Variants in SCFD2 observed in about 807,000 individuals in gnomAD.
SCFD2 encodes the protein sec1 family domain-containing protein 2.
In SCFD2, 54 loss-of-function variants were observed where a neutral mutation model predicts 58.9. The ratio of observed to expected loss-of-function variants is 0.92; its 90% CI spans 0.74 to 1.15. The LOEUF (loss-of-function observed/expected upper bound fraction) is 1.15, where lower values mean the gene tolerates loss of function less well. SCFD2 is among the 50% of genes most tolerant of loss of function. The probability of loss-of-function intolerance (pLI) is 0.00; values close to 1 mark genes in which losing one functional copy is unlikely to be tolerated. For synonymous variants in SCFD2, 321 were observed against 335.9 expected, an observed-to-expected ratio of 0.96 and a Z score of 0.49; for missense variants, 805 against 836.6, an observed-to-expected ratio of 0.96 and a Z score of 0.47.
intron 8 of SCFD2, among the ~76,000 whole-genome samples, chr4:52,884,555 C>G (rs1718691026): frequency 6.6e-6 from 1 of 152,156 alleles, no homozygotes; most frequent in African/African-American, 2.4e-5. Context: ...TGTGGCTTTT[C>G]TTCTTCACTG....
intron 5 of SCFD2, among the ~76,000 whole-genome samples, chr4:53,090,468 T>C (rs1034382093): frequency 1.3e-5 from 2 of 152,292 alleles, no homozygotes; most frequent in African/African-American, 2.4e-5. Flanking sequence ...AGGGCAGTGA[T>C]TGTATTCTTA....
chr4:53,075,199 T>C (rs1219006641), intron 5 of SCFD2, among the ~76,000 whole-genome samples: 1 of 152,186 alleles, frequency 6.6e-6, no homozygotes, highest in Non-Finnish European at 1.5e-5. Flanking sequence ...TGAAACAATT[T>C]CTGCTAATTT....
chr4:53,120,470 T>C (rs1725448568), intron 5 of SCFD2, among the ~76,000 whole-genome samples: 1 of 152,214 alleles, frequency 6.6e-6, no homozygotes, highest in African/African-American at 2.4e-5. Flanking sequence ...ACCCTGTCAA[T>C]CTATGAAGCC....
At chr4:53,132,607 T>C (rs1016888273) in intron 5 of SCFD2, among the ~76,000 whole-genome samples, 1 of 152,246 alleles carries the variant, frequency 6.6e-6, no homozygotes. Flanking sequence ...AAATCCTTTC[T>C]GAAATGAGTG....
chr4:52,944,500 C>A (rs985360060), intron 5 of SCFD2, among the ~76,000 whole-genome samples: 15 of 152,144 alleles, frequency 9.9e-5, no homozygotes, highest in Admixed American at 6.6e-4. Flanking sequence ...TTATTCAGTT[C>A]TTTAGGGTCC....
At position 53,313,763 on chromosome 4, in the gene SCFD2, A is replaced by G. The variant is rs767194648; in HGVS notation, c.1008T>C (p.Ser336=). The change falls in exon 3 of 9, where the codon AGT becomes AGC. Residue 336 remains serine, a splice_region_variant and synonymous_variant. Transcript: ENST00000401642. The part of the protein sequence containing the change: ...VVAPGCLSQS[S]DTTAKALWEA... ...CCCATAGGGCTTTGGCTGTGGTGTCACTGCAGGAAAATCACAAAAAGAGCT... is the reference window on the plus strand; with the variant it reads ...CCCATAGGGCTTTGGCTGTGGTGTCGCTGCAGGAAAATCACAAAAAGAGCT... 3 of 1,613,868 alleles carry G rather than the reference A, an allele frequency of 1.9e-6. No homozygotes were observed. Among genetic ancestry groups the G allele is most frequent in the African/African-American group, 2.7e-5 (2 of 75,022 alleles).
intron 4 of SCFD2, among the ~76,000 whole-genome samples, chr4:53,159,708 A>C (rs775257093): frequency 1.3e-5 from 2 of 152,098 alleles, no homozygotes; most frequent in Non-Finnish European, 2.9e-5. Context: ...TTGGCACATA[A>C]ATACTATGTG....
chr4:53,200,678 A>C (rs1304944604), intron 4 of SCFD2, among the ~76,000 whole-genome samples: 1 of 152,106 alleles, frequency 6.6e-6, no homozygotes, highest in Non-Finnish European at 1.5e-5. Flanking sequence ...CTGGTTTAGA[A>C]AAAAAATGTG....
At chr4:52,966,424 G>A (rs989595309) in intron 5 of SCFD2, among the ~76,000 whole-genome samples, 9 of 151,990 alleles carry the variant, frequency 5.9e-5, no homozygotes, top group African/African-American at 1.2e-4. Flanking sequence ...GTGATTCCTC[G>A]GATTCTTTAA....
At chr4:53,354,397 A>G (rs977847350) in intron 1 of SCFD2, among the ~76,000 whole-genome samples, 1 of 152,228 alleles carries the variant, frequency 6.6e-6, no homozygotes, top group African/African-American at 2.4e-5. Flanking sequence ...CCACGCCCAC[A>G]TGGAACTCAC....
chr4:53,244,490 A>G (rs1380512096), intron 4 of SCFD2, among the ~76,000 whole-genome samples: 2 of 152,156 alleles, frequency 1.3e-5, no homozygotes, highest in Non-Finnish European at 2.9e-5. Context: ...CTCCTCAAAG[A>G]CTTTGGGGTA....
At chr4:53,051,740 G>A (rs891654312) in intron 5 of SCFD2, among the ~76,000 whole-genome samples, 2 of 152,054 alleles carry the variant, frequency 1.3e-5, no homozygotes, top group Non-Finnish European at 2.9e-5. Flanking sequence ...GTTAAAGTCC[G>A]GAAGTTTACC....
At chr4:53,145,619 G>A in intron 4 of SCFD2, 37 bp from the exon 5 acceptor site, 1 of 1,575,146 alleles carries the variant, frequency 6.3e-7, no homozygotes, top group Non-Finnish European at 8.7e-7. Flanking sequence ...TGTCAATCTT[G>A]TATAAAGACA....
Position 53,345,960 on chromosome 4 carries a change from G to T in SCFD2, c.1007+6638C>A, listed in dbSNP as rs184344599. On this transcript the variant is annotated intron_variant, in intron 2 of 8. Coordinates refer to ENST00000401642, the MANE Select transcript of SCFD2 (RefSeq NM_152540.4). ...CAGGGCCTGTGAGTGGATTAGGGGGGGCTTGGGGAGGGATACAATTAGGAG... is the reference window on the plus strand; with the variant it reads ...CAGGGCCTGTGAGTGGATTAGGGGGTGCTTGGGGAGGGATACAATTAGGAG... 7.1e-4 allele frequency among the ~76,000 whole-genome samples: 108 copies of T among 152,154 alleles called. No individual in the cohort carries two copies. In the East Asian group the frequency reaches 0.02, roughly 28 times the overall value.
At chr4:53,187,476 C>T (rs1727771736) in intron 4 of SCFD2, among the ~76,000 whole-genome samples, 2 of 151,834 alleles carry the variant, frequency 1.3e-5, no homozygotes, top group South Asian at 4.2e-4. Flanking sequence ...GCATTTATAC[C>T]AAGGAAATAA....
chr4:53,343,865 T>C (rs1224718502), intron 2 of SCFD2, among the ~76,000 whole-genome samples: 1 of 152,186 alleles, frequency 6.6e-6, no homozygotes, highest in African/African-American at 2.4e-5. Flanking sequence ...CATGATTATC[T>C]CAATAGATGC....
chr4:53,074,151 T>A (rs1723903422), intron 5 of SCFD2, among the ~76,000 whole-genome samples: 1 of 152,228 alleles, frequency 6.6e-6, no homozygotes, highest in East Asian at 1.9e-4. Flanking sequence ...TCCTTTGTTG[T>A]CATTTCAACA....
chr4:53,314,159 T>C (rs1364031815), intron 2 of SCFD2, among the ~76,000 whole-genome samples: 5 of 152,234 alleles, frequency 3.3e-5, no homozygotes, highest in Non-Finnish European at 7.3e-5. Flanking sequence ...TTATAAGCAC[T>C]ATATCAATTC....
At chr4:53,300,354 G>A (rs564901730) in intron 3 of SCFD2, among the ~76,000 whole-genome samples, 1 of 152,158 alleles carries the variant, frequency 6.6e-6, no homozygotes, top group South Asian at 2.1e-4. Context: ...GACAAAGAAG[G>A]TCATTACATA....
Sources: allele counts gnomAD v4.1 joint callset (sites outside exome capture counted in the v4.1 genomes callset), GRCh38; gene constraint gnomAD v4.1.1; transcripts MANE v1.5; gene names NCBI Gene and HGNC (gene_info 2026-07-23, HGNC 2026-07-21).